The following PDE7B variants were observed in gnomAD, a reference collection of about 807,000 sequenced individuals.
PDE7B encodes 3',5'-cyclic-AMP phosphodiesterase 7B.
Under a neutral mutation model 56.2 loss-of-function variants are expected in PDE7B, and 29 were observed. That is an observed-to-expected ratio of 0.52 (90% CI 0.38 to 0.70). The LOEUF (loss-of-function observed/expected upper bound fraction) is 0.70, where lower values mean the gene tolerates loss of function less well. Among genes scored for constraint, PDE7B ranks in the 30% least tolerant of loss-of-function variants. The pLI, the probability that PDE7B is intolerant of heterozygous loss-of-function variation, is 0.00. For synonymous variants in PDE7B, 197 were observed against 196.9 expected (o/e 1.00, Z 0.00); for missense variants, 490 against 565.0 (o/e 0.87, Z 1.35).
chr6:135,951,756 C>T (rs1436922146), intron 2 of PDE7B, among the ~76,000 whole-genome samples: 1 of 151,550 alleles, frequency 6.6e-6, no homozygotes, highest in Non-Finnish European at 1.5e-5. Context: ...TTTCATTGGC[C>T]CTGTTTTTGT....
chr6:135,885,730 C>G (rs1009448682), intron 1 of PDE7B, among the ~76,000 whole-genome samples: 1 of 152,076 alleles, frequency 6.6e-6, no homozygotes. Context: ...GAAAAGAGCA[C>G]AAAATAGAAT....
intron 2 of PDE7B, among the ~76,000 whole-genome samples, chr6:136,052,907 G>C (rs1776656906): frequency 6.6e-6 from 1 of 151,880 alleles, no homozygotes. Flanking sequence ...ATTCCCCCCA[G>C]TTGCGGACAT....
At chr6:136,040,219 T>C (rs2128209878) in intron 2 of PDE7B, among the ~76,000 whole-genome samples, 1 of 152,326 alleles carries the variant, frequency 6.6e-6, no homozygotes, top group East Asian at 1.9e-4. Flanking sequence ...CCTGGTCTGC[T>C]GTTGAGGTTG....
At chr6:136,043,475 G>A (rs1222555275) in intron 2 of PDE7B, among the ~76,000 whole-genome samples, 6 of 150,240 alleles carry the variant, frequency 4.0e-5, no homozygotes, top group Non-Finnish European at 3.0e-5. Context: ...CCCTGGGTGG[G>A]TACTTCACCT....
chr6:136,034,096 T>C, intron 2 of PDE7B: 1 of 152,346 alleles, frequency 6.6e-6, no homozygotes, highest in Middle Eastern at 3.4e-3. Context: ...TATTAATAGA[T>C]TCAAAGTGAA....
chr6:136,191,586 A>T, intron 12 of PDE7B, 28 bp from the exon 13 acceptor site: 13 of 1,590,502 alleles, frequency 8.2e-6, no homozygotes, highest in Non-Finnish European at 9.5e-6. Flanking sequence ...CCACGCTGTG[A>T]TGCTGAGCCT....
intron 1 of PDE7B, among the ~76,000 whole-genome samples, chr6:135,882,264 A>G (rs1312681652): frequency 6.6e-6 from 1 of 152,216 alleles, no homozygotes; most frequent in Non-Finnish European, 1.5e-5. Context: ...AAAGACTTCG[A>G]TTAAATTATT....
intron 2 of PDE7B, among the ~76,000 whole-genome samples, chr6:136,089,035 T>G (rs11964651): frequency 0.029 from 4,378 of 152,076 alleles, 200 homozygotes; most frequent in African/African-American, 0.097. Flanking sequence ...AGATATTCTT[T>G]CTCACCTAGA....
chr6:136,167,770 C>T (rs79137904), intron 8 of PDE7B, among the ~76,000 whole-genome samples: 3 of 152,128 alleles, frequency 2.0e-5, no homozygotes, highest in Non-Finnish European at 4.4e-5. Flanking sequence ...GTAATTTGTT[C>T]TCTTACTTAG....
chr6:136,087,728 C>T (rs954204736), intron 2 of PDE7B, among the ~76,000 whole-genome samples: 1 of 152,152 alleles, frequency 6.6e-6, no homozygotes, highest in Non-Finnish European at 1.5e-5. Flanking sequence ...GAATACACCT[C>T]ATATCTACAT....
At chr6:136,003,767 A>T (rs1775719201) in intron 2 of PDE7B, among the ~76,000 whole-genome samples, 1 of 152,244 alleles carries the variant, frequency 6.6e-6, no homozygotes, top group African/African-American at 2.4e-5. Flanking sequence ...GAATTCTACC[A>T]GAGGTACAAG....
rs186890400 is a variant in PDE7B at position 136,168,657 on chromosome 6, T to A, written c.712-5140T>A. 4.7e-3 allele frequency among the ~76,000 whole-genome samples: 713 copies of A among 152,212 alleles called. 4 individuals are homozygous for A. Among genetic ancestry groups the A allele is most frequent in the African/African-American group, 0.017 (687 of 41,540 alleles). ...AGGGTGGCTTCTATGAAAGGAATGATTGGGCACAAGTGACACTATGTAGGA... is the reference window on the plus strand; with the variant it reads ...AGGGTGGCTTCTATGAAAGGAATGAATGGGCACAAGTGACACTATGTAGGA... On this transcript the variant is annotated intron_variant, in intron 8 of 12. Coordinates refer to ENST00000308191, the MANE Select transcript of PDE7B (RefSeq NM_018945.4).
chr6:136,096,859 TTCTCTC>T (rs141459205), intron 2 of PDE7B, among the ~76,000 whole-genome samples: 11 of 150,170 alleles, frequency 7.3e-5, no homozygotes, highest in Admixed American at 7.3e-4. Context: ...AGGACTATGC[TTCTCTC>T]TCTCTCTCTC....
chr6:136,150,852 C>T (rs1232575441), intron 5 of PDE7B, among the ~76,000 whole-genome samples: 1 of 77,466 alleles, frequency 1.3e-5, no homozygotes, highest in African/African-American at 5.4e-5. Context: ...TACACATATA[C>T]ACATGTGTGT....
At chr6:135,937,169 T>C (rs1374366867) in intron 1 of PDE7B, among the ~76,000 whole-genome samples, 1 of 152,226 alleles carries the variant, frequency 6.6e-6, no homozygotes, top group Non-Finnish European at 1.5e-5. Context: ...AGGAGCGACA[T>C]TGGTCAGCAA....
At chr6:135,861,863 A>C (rs960002913) in intron 1 of PDE7B, among the ~76,000 whole-genome samples, 13 of 151,930 alleles carry the variant, frequency 8.6e-5, no homozygotes, top group African/African-American at 3.1e-4. Context: ...ATTACTGGGC[A>C]CTTAGTATTT....
At chr6:136,187,558 G>A (rs1779161370) in intron 12 of PDE7B, among the ~76,000 whole-genome samples, 1 of 152,122 alleles carries the variant, frequency 6.6e-6, no homozygotes, top group African/African-American at 2.4e-5. Flanking sequence ...TAGAGCTTGT[G>A]AGCCATGCTA....
intron 3 of PDE7B, among the ~76,000 whole-genome samples, chr6:136,145,876 T>C (rs906956990): frequency 5.3e-5 from 8 of 152,182 alleles, no homozygotes; most frequent in African/African-American, 1.9e-4. Flanking sequence ...TCTGACAACT[T>C]TCAAGTTTTT....
chr6:136,094,971 A>G (rs1330467527), intron 2 of PDE7B: 1 of 152,202 alleles, frequency 6.6e-6, no homozygotes, highest in Non-Finnish European at 1.5e-5. Flanking sequence ...CGCTCCACAT[A>G]CAGCAGTATC....
Sources: gnomAD v4.1 joint callset for allele counts (sites outside exome capture counted in the v4.1 genomes callset) on GRCh38, gnomAD v4.1.1 for gene constraint, MANE v1.5 for transcripts, NCBI Gene and HGNC (gene_info 2026-07-23, HGNC 2026-07-21) for gene names.